The following TENM4 variants were observed in gnomAD, a reference collection of about 807,000 sequenced individuals.
The protein encoded by TENM4 is teneurin transmembrane protein 4.
Under a neutral mutation model 243.3 loss-of-function variants are expected in TENM4, and 82 were observed. The ratio of observed to expected loss-of-function variants is 0.34; its 90% CI spans 0.28 to 0.40. The LOEUF (loss-of-function observed/expected upper bound fraction) is 0.40. TENM4 is among the 10% of genes least tolerant of loss of function. The pLI is 1.00. For missense variants in TENM4, 3,138 were observed against 3,673.3 expected, an observed-to-expected ratio of 0.85 and a Z score of 3.77; for synonymous variants, 1,412 against 1,456.3, an observed-to-expected ratio of 0.97 and a Z score of 0.69.
intron 2 of TENM4, among the ~76,000 whole-genome samples, chr11:79,220,630 T>C (rs17137898): frequency 0.016 from 2,395 of 152,338 alleles, 62 homozygotes; most frequent in African/African-American, 0.054. Context: ...ATTGAAGGAA[T>C]GAATCTTTAG....
chr11:79,430,332 A>G (rs1859140688), intron 1 of TENM4, among the ~76,000 whole-genome samples: 1 of 152,238 alleles, frequency 6.6e-6, no homozygotes, highest in African/African-American at 2.4e-5. Flanking sequence ...TAAGCAAAAT[A>G]CAATGGCCCA....
intron 2 of TENM4, among the ~76,000 whole-genome samples, chr11:79,237,458 C>A (rs1398043104): frequency 1.3e-5 from 2 of 152,204 alleles, no homozygotes. Flanking sequence ...AGGCGGATCA[C>A]CTGAGTTCAG....
chr11:79,166,114 A>T (rs1034377796), intron 3 of TENM4, among the ~76,000 whole-genome samples: 1 of 152,218 alleles, frequency 6.6e-6, no homozygotes, highest in African/African-American at 2.4e-5. Flanking sequence ...TGTCTCAGCC[A>T]CTAATCATCA....
intron 1 of TENM4, among the ~76,000 whole-genome samples, chr11:79,423,357 G>T (rs778001966): frequency 6.6e-6 from 1 of 151,694 alleles, no homozygotes; most frequent in Non-Finnish European, 1.5e-5. Context: ...ACTTCCTACG[G>T]CAAAGTTCCA....
chr11:79,397,395 TC>T (rs1858367559), intron 1 of TENM4, among the ~76,000 whole-genome samples: 1 of 152,152 alleles, frequency 6.6e-6, no homozygotes, highest in Admixed American at 6.5e-5. Flanking sequence ...GAGTCAGGAT[TC>T]TAACCCAGTT....
At chr11:78,827,966 A>G (rs949311748) in intron 12 of TENM4, among the ~76,000 whole-genome samples, 21 of 152,206 alleles carry the variant, frequency 1.4e-4, no homozygotes, top group Non-Finnish European at 2.9e-4. Context: ...AGTAGACTGC[A>G]AATTCATTGA....
At chr11:78,916,494 T>A (rs777731362) in intron 6 of TENM4, among the ~76,000 whole-genome samples, 14 of 152,238 alleles carry the variant, frequency 9.2e-5, no homozygotes, top group Non-Finnish European at 1.8e-4. Context: ...TTTGTCCATG[T>A]ACAGTCTTTA....
At position 78,658,466 on chromosome 11, in the gene TENM4, G is replaced by A; in HGVS notation, c.7902C>T (p.Leu2634=). ...TCTCCAGGGTTCGCCGCCCCCCACT[G>A]AGGCCCAGGATGGCCAGGTCACCTT... ...PSEGDLAILG[L]SGGRRTLENG... Residue 2634 remains leucine (L), a synonymous_variant, in exon 34 of 34, where the codon CTC becomes CTT. Transcript: ENST00000278550. 6.2e-7 allele frequency: 1 copy of A among 1,614,046 alleles called. No homozygotes were observed.
intron 1 of TENM4, among the ~76,000 whole-genome samples, chr11:79,430,628 T>C (rs1230257539): frequency 6.6e-6 from 1 of 152,198 alleles, no homozygotes; most frequent in East Asian, 1.9e-4. Context: ...CCCACTGAAG[T>C]GAGCACAATC....
intron 15 of TENM4, among the ~76,000 whole-genome samples, chr11:78,798,869 C>A (rs760743532): frequency 3.3e-5 from 5 of 152,152 alleles, no homozygotes; most frequent in Non-Finnish European, 5.9e-5. Context: ...GCCAAGTTCA[C>A]TGCTTCTGCT....
In TENM4 at chr11:79,115,814, T is replaced by A. The variant is rs17137764; in HGVS notation, c.-66+32896A>T. 5.0e-3 allele frequency among the ~76,000 whole-genome samples: 768 copies of A among 152,278 alleles called. 7 individuals carry two copies. The highest frequency in any genetic ancestry group is 0.018 in the African/African-American group (736 of 41,552). ...TCAGTAGCAAATTCTGCTCTTCCTATCATATCTGCCAGGCACCTCACCTAT... is the reference window on the plus strand; with the variant it reads ...TCAGTAGCAAATTCTGCTCTTCCTAACATATCTGCCAGGCACCTCACCTAT... On this transcript the variant is annotated intron_variant, in intron 4 of 33. Transcript: ENST00000278550.
In TENM4 at chr11:79,275,226, G is replaced by GGTGTGTGT. The variant is rs756371184; in HGVS notation, c.-265+22254_-265+22261dup. On this transcript the variant is annotated intron_variant, in intron 2 of 33. Transcript: ENST00000278550. Reference sequence around the variant, plus strand: ...GAAGGTGCTGGGTATGTGTGAGCGGGGTGTGTGTGTGTGTGTCTGTGTGTG... The same window carrying GGTGTGTGT: ...GAAGGTGCTGGGTATGTGTGAGCGGGGTGTGTGTGTGTGTGTGTGTGTGTCTGTGTGTG... Among the ~76,000 whole-genome samples the GGTGTGTGT allele has an allele frequency of 6.8e-4, 98 of 143,514 alleles. 2 individuals carry two copies. Among genetic ancestry groups the GGTGTGTGT allele is most frequent in the African/African-American group, 2.5e-3 (95 of 37,498 alleles). 94.2% of individuals were successfully genotyped at this position (143,514 alleles called of 152,430 possible). A position where few individuals can be genotyped will look rare whatever the true frequency, so the allele number is the denominator to read the frequency against.
intron 15 of TENM4, among the ~76,000 whole-genome samples, chr11:78,799,438 A>C (rs1268255041): frequency 6.6e-6 from 1 of 152,222 alleles, no homozygotes. Context: ...TGTCCTAAGA[A>C]TTACACTTGT....
chr11:79,341,171 G>A (rs917907428), intron 1 of TENM4, among the ~76,000 whole-genome samples: 1 of 152,158 alleles, frequency 6.6e-6, no homozygotes, highest in East Asian at 1.9e-4. Context: ...TTACCCCAGC[G>A]AGACTGAGGT....
At chr11:78,950,893 A>G (rs901537166) in intron 6 of TENM4, among the ~76,000 whole-genome samples, 4 of 152,278 alleles carry the variant, frequency 2.6e-5, no homozygotes, top group Admixed American at 6.5e-5. Context: ...CCAGCTGAGC[A>G]GACTCAATGG....
rs144208445 is a variant in TENM4, at chr11:79,375,628, T to C, written c.-321+64881A>G. ...ACTCAACATATATCTAACACATACCTGCCACGTAGGATAGACCGGGTCAAC... is the reference window on the plus strand; with the variant it reads ...ACTCAACATATATCTAACACATACCCGCCACGTAGGATAGACCGGGTCAAC... On this transcript the variant is annotated intron_variant, in intron 1 of 33. Coordinates refer to ENST00000278550, the MANE Select transcript of TENM4 (RefSeq NM_001098816.3). Among the ~76,000 whole-genome samples, 155 of 152,318 alleles carry C rather than the reference T, an allele frequency of 1.0e-3. 2 individuals carry two copies. The East Asian group carries it at 0.027, about 27-fold the overall frequency.
Position 79,220,167 on chromosome 11 carries a change from T to C in TENM4, c.-264-4258A>G, listed in dbSNP as rs1278338256. Among the ~76,000 whole-genome samples, 3 of 152,256 alleles carry C rather than the reference T, an allele frequency of 2.0e-5. No individual in the cohort carries two copies. In the South Asian group the frequency reaches 6.2e-4, roughly 32 times the overall value. On this transcript the variant is annotated intron_variant, in intron 2 of 33. Transcript: ENST00000278550. ...TAGGGAAGGCAGCCCAGAGGGCTCCTAATGCACTCAGAACTGTATCATCGC... is the reference window on the plus strand; with the variant it reads ...TAGGGAAGGCAGCCCAGAGGGCTCCCAATGCACTCAGAACTGTATCATCGC...
intron 4 of TENM4, among the ~76,000 whole-genome samples, chr11:79,138,617 C>A: frequency 1.1e-5 from 1 of 91,534 alleles, no homozygotes; most frequent in African/African-American, 4.9e-5. Flanking sequence ...TATATAAATA[C>A]ATAAAACATA....
intron 1 of TENM4, among the ~76,000 whole-genome samples, chr11:79,435,213 T>A (rs1195868187): frequency 6.6e-6 from 1 of 151,766 alleles, no homozygotes; most frequent in Non-Finnish European, 1.5e-5. Context: ...ATTACTTTGG[T>A]CATTAGAATA....
Sources: gnomAD v4.1 joint callset for allele counts (sites outside exome capture counted in the v4.1 genomes callset) on GRCh38, gnomAD v4.1.1 for gene constraint, MANE v1.5 for transcripts, NCBI Gene and HGNC (gene_info 2026-07-23, HGNC 2026-07-21) for gene names.